Variants in DCTD observed in about 807,000 individuals in gnomAD.
The protein encoded by DCTD is deoxycytidylate deaminase.
DCTD carries 23 observed loss-of-function variants against 21.0 expected under a neutral mutation model. The observed-to-expected ratio is 1.09, with a 90% confidence interval of 0.79 to 1.55. DCTD has a LOEUF of 1.55. DCTD is among the 40% of genes most tolerant of loss of function. The pLI is 0.00. For synonymous variants in DCTD, 71 were observed against 81.1 expected, an observed-to-expected ratio of 0.88 and a Z score of 0.67; for missense variants, 224 against 230.0, an observed-to-expected ratio of 0.97 and a Z score of 0.17.
intron 3 of DCTD, among the ~76,000 whole-genome samples, chr4:182,898,705 G>A (rs1735186998): frequency 6.6e-6 from 1 of 152,280 alleles, no homozygotes; most frequent in South Asian, 2.1e-4. Context: ...TTAGTCTAGA[G>A]AGGTCATCTT....
At chr4:182,902,583 C>A (rs1735929477) in intron 3 of DCTD, among the ~76,000 whole-genome samples, 1 of 152,250 alleles carries the variant, frequency 6.6e-6, no homozygotes, top group African/African-American at 2.4e-5. Flanking sequence ...TCAGACAGAG[C>A]CCTGTCCCCC....
chr4:182,914,440 T>C (rs1157983974), intron 3 of DCTD, among the ~76,000 whole-genome samples: 1 of 152,270 alleles, frequency 6.6e-6, no homozygotes, highest in Non-Finnish European at 1.5e-5. Flanking sequence ...AGCAATGAGC[T>C]TGAGCCAGAT....
rs776078289 is a variant in DCTD, at chr4:182,894,479, C to T, written c.361+10G>A. ...TGCAAATGTGACAAATGGAAAGACC[C>T]GGTTCCTACCTGCCTGGATGATGAG... On this transcript the variant is annotated intron_variant, in intron 4 of 5. Transcript: ENST00000438320. 7.1e-6 allele frequency: 11 copies of T among 1,553,642 alleles called. No individual in the cohort carries two copies. Among genetic ancestry groups the T allele is most frequent in the African/African-American group, 2.7e-5 (2 of 73,420 alleles).
intron 3 of DCTD, among the ~76,000 whole-genome samples, chr4:182,908,682 CAAAAAAAAAAAAAAA>C (rs34915632): frequency 1.6e-5 from 1 of 63,740 alleles, no homozygotes; most frequent in Admixed American, 2.1e-4. Flanking sequence ...GACTCTGTCT[CAAAAAAAAAAAAAAA>C]AAAAAAAAGA....
intron 3 of DCTD, among the ~76,000 whole-genome samples, chr4:182,897,943 G>A (rs1448284452): frequency 6.6e-6 from 1 of 152,146 alleles, no homozygotes; most frequent in Non-Finnish European, 1.5e-5. Flanking sequence ...TCTGAACCTT[G>A]CTGTCCCCCA....
chr4:182,912,922 G>A (rs919517814), intron 3 of DCTD, among the ~76,000 whole-genome samples: 18 of 152,056 alleles, frequency 1.2e-4, no homozygotes, highest in Admixed American at 7.9e-4. Context: ...ATGACGGACC[G>A]CCATCCCCCC....
intron 3 of DCTD, among the ~76,000 whole-genome samples, chr4:182,905,815 A>T (rs986292950): frequency 2.0e-5 from 3 of 151,574 alleles, no homozygotes; most frequent in African/African-American, 7.3e-5. Flanking sequence ...TGACCACCCA[A>T]CCCTTTGCAG....
chr4:182,908,672 G>A (rs1423605230), intron 3 of DCTD, among the ~76,000 whole-genome samples: 1 of 100,376 alleles, frequency 1.0e-5, no homozygotes, highest in African/African-American at 4.1e-5. Context: ...GACAGAGCAA[G>A]ACTCTGTCTC....
Position 182,899,902 on chromosome 4 carries a change from A to G in DCTD, c.245-5297T>C, listed in dbSNP as rs115785120. ...ATGCTTAGGAGCAGAATTGTTTCAG[A>G]TTTCAGATTTTAAAATGTTTGCATT... On this transcript the variant is annotated intron_variant, in intron 3 of 5. Transcript: ENST00000438320. Among the ~76,000 whole-genome samples, 375 of 152,284 alleles carry G rather than the reference A, an allele frequency of 2.5e-3. 3 individuals carry two copies. Among genetic ancestry groups the G allele is most frequent in the Non-Finnish European group, 4.6e-3 (310 of 68,022 alleles).
At chr4:182,907,914 C>A (rs1006878325) in intron 3 of DCTD, among the ~76,000 whole-genome samples, 2 of 152,110 alleles carry the variant, frequency 1.3e-5, no homozygotes, top group Non-Finnish European at 2.9e-5. Context: ...AACCTGGAAC[C>A]CTTGGCTCCT....
chr4:182,913,132 C>T (rs1013414449), intron 3 of DCTD, among the ~76,000 whole-genome samples: 2 of 152,226 alleles, frequency 1.3e-5, no homozygotes, highest in Non-Finnish European at 2.9e-5. Flanking sequence ...CTAATCACTT[C>T]CCTTCTTTCT....
chr4:182,915,657 A>C, intron 1 of DCTD, 82 bp from the exon 2 acceptor site: 5 of 990,568 alleles, frequency 5.0e-6, no homozygotes, highest in South Asian at 3.9e-5. Context: ...ACCACACTGA[A>C]CCTTTAAATC....
rs539138941 is a variant in DCTD at position 182,916,647 on chromosome 4, G to C, written c.-8+664C>G. On this transcript the variant is annotated intron_variant, in intron 1 of 5. Coordinates refer to ENST00000438320, the MANE Select transcript of DCTD (RefSeq NM_001921.3). ...GCAACCCCCCTAACAGGAAAAGACA[G>C]GTGCTGAATCAGCCTGGTTTCCCAC... 7 of 1,005,484 alleles carry C rather than the reference G, an allele frequency of 7.0e-6. No homozygotes were observed. In the East Asian group the frequency reaches 5.6e-4, roughly 80 times the overall value. The allele number at this position is 1,005,484 out of a possible 1,614,324, so 62.3% of individuals were successfully genotyped here.
chr4:182,905,758 G>A (rs1320603226), intron 3 of DCTD, among the ~76,000 whole-genome samples: 1 of 152,106 alleles, frequency 6.6e-6, no homozygotes. Context: ...TGACATACCT[G>A]TACTGCTACA....
chr4:182,891,256 AG>A lies in DCTD; in HGVS notation c.*142del, dbSNP rs1733694064. The A allele has an allele frequency of 1.5e-6, 1 of 667,234 alleles. No homozygotes were observed. Among genetic ancestry groups the A allele is most frequent in the African/African-American group, 1.8e-5 (1 of 55,850 alleles). The allele number at this position is 667,234 out of a possible 1,614,324, so 41.3% of individuals were successfully genotyped here. A position where few individuals can be genotyped will look rare whatever the true frequency, so the allele number is the denominator to read the frequency against. On this transcript the variant is annotated 3_prime_UTR_variant, in exon 6 of 6. Transcript: ENST00000438320. ...CATGTGACAAGAGAGACAGTAAGGA[AG>A]ATTTGAGGCTTTATATTCTTTAGAT... is the stretch of plus-strand genomic sequence containing the variant.
chr4:182,895,663 C>T (rs970505579), intron 3 of DCTD, among the ~76,000 whole-genome samples: 4 of 152,198 alleles, frequency 2.6e-5, no homozygotes, highest in Admixed American at 1.3e-4. Context: ...TCATCCTGCC[C>T]AGGAGGTTTC....
chr4:182,911,667 G>A (rs1737702899), intron 3 of DCTD, among the ~76,000 whole-genome samples: 1 of 152,154 alleles, frequency 6.6e-6, no homozygotes, highest in Non-Finnish European at 1.5e-5. Context: ...AAAGGAGGAG[G>A]CTTAGATCCT....
chr4:182,894,477 C>A lies in DCTD; in HGVS notation c.361+12G>T. On this transcript the variant is annotated intron_variant, in intron 4 of 5. Coordinates refer to ENST00000438320, the MANE Select transcript of DCTD (RefSeq NM_001921.3). ...AATGCAAATGTGACAAATGGAAAGA[C>A]CCGGTTCCTACCTGCCTGGATGATG... 6 of 1,545,644 alleles carry A rather than the reference C, an allele frequency of 3.9e-6. No homozygotes were observed. The highest frequency in any genetic ancestry group is 5.4e-6 in the Non-Finnish European group (6 of 1,117,888).
At position 182,890,158 on chromosome 4, in the gene DCTD, C is replaced by G. The variant is rs1328812442; in HGVS notation, c.*1241G>C. 1 of 151,980 alleles carries G rather than the reference C, an allele frequency of 6.6e-6. No individual in the cohort carries two copies. The highest frequency in any genetic ancestry group is 1.5e-5 in the Non-Finnish European group (1 of 68,004). 9.4% of individuals were successfully genotyped at this position (151,980 alleles called of 1,614,324 possible). A position where few individuals can be genotyped will look rare whatever the true frequency, so the allele number is the denominator to read the frequency against. On this transcript the variant is annotated 3_prime_UTR_variant, in exon 6 of 6. Coordinates refer to ENST00000438320, the MANE Select transcript of DCTD (RefSeq NM_001921.3). Reference sequence around the variant, plus strand: ...GTAAGGAGCCAAATTACAGAATACCCTAGAATGTGGAATACAAAATCTCAG... The same window carrying G: ...GTAAGGAGCCAAATTACAGAATACCGTAGAATGTGGAATACAAAATCTCAG...
Sources: allele counts gnomAD v4.1 joint callset (sites outside exome capture counted in the v4.1 genomes callset), GRCh38; gene constraint gnomAD v4.1.1; transcripts MANE v1.5; gene names NCBI Gene and HGNC (gene_info 2026-07-23, HGNC 2026-07-21).